RBM4B: variants seen among roughly 807,000 people sequenced by gnomAD.
RBM4B encodes the protein RNA-binding protein 4B.
Under a neutral mutation model 28.5 loss-of-function variants are expected in RBM4B, and 13 were observed. The observed-to-expected ratio is 0.46, with a 90% confidence interval of 0.30 to 0.72. The LOEUF is 0.72. Among genes scored for constraint, RBM4B ranks in the 30% least tolerant of loss-of-function variants. RBM4B has a pLI of 0.09. For missense variants in RBM4B, 387 were observed against 477.6 expected (o/e 0.81, Z 1.77); for synonymous variants, 167 against 179.1 (o/e 0.93, Z 0.54).
rs1050974816 is a variant in RBM4B, at chr11:66,665,782, T to A, written c.*10-204A>T. On this transcript the variant is annotated intron_variant, in intron 3 of 3. Coordinates refer to ENST00000310046, the MANE Select transcript of RBM4B (RefSeq NM_031492.4). ...ATATATAGGAATCCACTTATGGCTA[T>A]ATATATAGGACAAGATGCAATCTAG... 2.9e-6 allele frequency: 4 copies of A among 1,366,268 alleles called. No individual in the cohort carries two copies. The African/African-American group carries it at 5.8e-5, about 20-fold the overall frequency. The allele number at this position is 1,366,268 out of a possible 1,614,324, so 84.6% of individuals were successfully genotyped here.
intron 2 of RBM4B, among the ~76,000 whole-genome samples, chr11:66,673,179 T>C (rs540586499): frequency 8.0e-5 from 12 of 150,140 alleles, no homozygotes; most frequent in African/African-American, 2.9e-4. Flanking sequence ...TGTTTACATA[T>C]AGGGAAAAAA....
In RBM4B at chr11:66,676,722, G is replaced by A. The variant is rs760376120; in HGVS notation, c.358C>T (p.Arg120Trp). The stretch of plus-strand genomic sequence containing the variant: ...ATGGCCTCCACTGCATCCTCTGCCC[G>A]CTCCATGTGTACGAAGGCATAATCT... The part of the protein sequence containing the change: ...VKDYAFVHME[R>W]AEDAVEAIRG... The change falls in exon 2 of 4, where the codon CGG becomes TGG. Residue 120 changes from arginine to tryptophan, a missense_variant. Arg to Trp is a moderately radical substitution (Grantham distance 101). Around this residue, in one of 2 missense-constraint regions of RBM4B, gnomAD observed 161 missense variants for 256.9 expected, o/e 0.63. Coordinates refer to ENST00000310046, the MANE Select transcript of RBM4B (RefSeq NM_031492.4). 1 of 1,613,928 alleles carries A rather than the reference G, an allele frequency of 6.2e-7. No individual in the cohort carries two copies. The highest frequency in any genetic ancestry group is 1.1e-5 in the South Asian group (1 of 91,068).
Position 66,669,168 on chromosome 11 carries a change from C to T in RBM4B, c.536G>A (p.Arg179His), listed in dbSNP as rs761590001. Residue 179 changes from arginine (R) to histidine (H), a missense_variant, in exon 3 of 4, where the codon CGT (arginine) becomes CAT (histidine). Coordinates refer to ENST00000310046, the MANE Select transcript of RBM4B (RefSeq NM_031492.4). ...AGTAAAGTCTGCCACACGACCCGTA[C>T]GATCTACTGGGCACTCTTTGGACCA... is the stretch of plus-strand genomic sequence containing the variant. Reference protein sequence around the residue: ...GHWSKECPVDRTGRVADFTEQ... With the variant: ...GHWSKECPVDHTGRVADFTEQ... The T allele has an allele frequency of 2.4e-5, 39 of 1,614,068 alleles. No homozygotes were observed. The highest frequency in any genetic ancestry group is 1.3e-4 in the South Asian group (12 of 91,094).
chr11:66,669,089 G>A lies in RBM4B; in HGVS notation c.615C>T (p.Tyr205=), dbSNP rs1418920680. The part of the protein sequence containing the change: ...GAVRTPYTMG[Y]GESMYYNDAY... ...CATCGTTGTAATACATGGATTCCCC[G>A]TAGCCCATGGTGTAAGGTGTTCGAA... The change falls in exon 3 of 4, where the codon TAC becomes TAT. Residue 205 remains tyrosine (Y), a synonymous_variant. Coordinates refer to ENST00000310046, the MANE Select transcript of RBM4B (RefSeq NM_031492.4). 9.9e-6 allele frequency: 16 copies of A among 1,614,004 alleles called. No homozygotes were observed. Among genetic ancestry groups the A allele is most frequent in the South Asian group, 2.2e-5 (2 of 91,076 alleles).
At position 66,676,562 on chromosome 11, in the gene RBM4B, A is replaced by G. The variant is rs1425034519; in HGVS notation, c.412+106T>C. On this transcript the variant is annotated intron_variant, in intron 2 of 3. Coordinates refer to ENST00000310046, the MANE Select transcript of RBM4B (RefSeq NM_031492.4). ...TAAACATAATCTATTATTTCCAGCT[A>G]AAACAGAATGGAAGAGACCACCCAG... is the stretch of plus-strand genomic sequence containing the variant. 7.0e-5 allele frequency: 92 copies of G among 1,309,764 alleles called. 1 individual carries two copies. The highest frequency in any genetic ancestry group is 9.3e-5 in the Non-Finnish European group (88 of 942,582). 81.1% of individuals were successfully genotyped at this position (1,309,764 alleles called of 1,614,324 possible).
chr11:66,668,550 T>C (rs899764655), intron 3 of RBM4B, 65 bp downstream of exon 3: 5 of 1,374,746 alleles, frequency 3.6e-6, no homozygotes, highest in Non-Finnish European at 5.0e-6. Context: ...GCCACTTTTA[T>C]GAAGCATGGG....
At chr11:66,672,002 C>T (rs775104679) in intron 2 of RBM4B, among the ~76,000 whole-genome samples, 4 of 152,036 alleles carry the variant, frequency 2.6e-5, no homozygotes, top group Non-Finnish European at 4.4e-5. Context: ...CCGCCTCAGC[C>T]CCCTCAAAGT....
chr11:66,669,333 G>C, intron 2 of RBM4B, 42 bp from the exon 3 acceptor site: 1 of 1,572,584 alleles, frequency 6.4e-7, no homozygotes, highest in Non-Finnish European at 8.7e-7. Context: ...TAACTCACTT[G>C]ACATTCTTTT....
intron 2 of RBM4B, among the ~76,000 whole-genome samples, chr11:66,672,429 A>AC (rs1367217965): frequency 4.2e-5 from 6 of 144,082 alleles, no homozygotes; most frequent in South Asian, 2.3e-4. Flanking sequence ...AAAAAAAAAA[A>AC]CCCACAAAAA....
At chr11:66,675,952 A>G (rs1469640513) in intron 2 of RBM4B, 1 of 152,314 alleles carries the variant, frequency 6.6e-6, no homozygotes, top group African/African-American at 2.4e-5. Flanking sequence ...CAACATATGT[A>G]CCTTTATTAT....
rs1939183793 is a variant in RBM4B, at chr11:66,665,282, G to A, written c.*306C>T. 6 of 422,460 alleles carry A rather than the reference G, an allele frequency of 1.4e-5. No individual in the cohort carries two copies. The highest frequency in any genetic ancestry group is 2.6e-5 in the Non-Finnish European group (6 of 233,384). The allele number at this position is 422,460 out of a possible 1,614,324, so 26.2% of individuals were successfully genotyped here. On this transcript the variant is annotated 3_prime_UTR_variant, in exon 4 of 4. Coordinates refer to ENST00000310046, the MANE Select transcript of RBM4B (RefSeq NM_031492.4). ...GGCAGGGAGAAGGATTCAACTCCTA[G>A]GGAAAGCAAGATAAGAGGGGTTCCA... is the stretch of plus-strand genomic sequence containing the variant.
chr11:66,677,291 G>C, intron 1 of RBM4B, 200 bp from the exon 2 acceptor site: 1 of 641,518 alleles, frequency 1.6e-6, no homozygotes, highest in Non-Finnish European at 2.7e-6. Flanking sequence ...AGGAGGTCGA[G>C]GGTCAGCATG....
intron 2 of RBM4B, chr11:66,676,454 T>C: frequency 3.2e-6 from 2 of 622,438 alleles, no homozygotes; most frequent in Non-Finnish European, 5.5e-6. Flanking sequence ...TTTGTGATTC[T>C]ATGCAGTCGG....
chr11:66,674,073 G>A (rs1182418378), intron 2 of RBM4B, among the ~76,000 whole-genome samples: 2 of 151,878 alleles, frequency 1.3e-5, no homozygotes, highest in Non-Finnish European at 2.9e-5. Context: ...AAAATCTTAT[G>A]GATCCACTGC....
intron 2 of RBM4B, chr11:66,671,106 G>A: frequency 5.8e-6 from 4 of 684,744 alleles, no homozygotes; most frequent in South Asian, 1.5e-5. Context: ...ATGTCAAAGA[G>A]TCCTATCACT....
At chr11:66,668,285 T>G in intron 3 of RBM4B, 1 of 226,026 alleles carries the variant, frequency 4.4e-6, no homozygotes, top group Non-Finnish European at 8.8e-6. Context: ...GTGTAGATGA[T>G]ATACAGAGGG....
chr11:66,671,809 C>T (rs1590885130), intron 2 of RBM4B, among the ~76,000 whole-genome samples: 1 of 152,236 alleles, frequency 6.6e-6, no homozygotes. Context: ...GGCGAAATCT[C>T]GGCTCACTGC....
chr11:66,673,259 C>A (rs770646242), intron 2 of RBM4B, among the ~76,000 whole-genome samples: 1 of 151,838 alleles, frequency 6.6e-6, no homozygotes, highest in African/African-American at 2.4e-5. Context: ...GGAATAGCTT[C>A]TTTAGGTCTT....
Position 66,668,737 on chromosome 11 carries a change from C to T in RBM4B, c.967G>A (p.Gly323Arg), listed in dbSNP as rs368616013. The T allele has an allele frequency of 7.0e-5, 113 of 1,614,090 alleles. No homozygotes were observed. Among genetic ancestry groups the T allele is most frequent in the Non-Finnish European group, 8.2e-5 (97 of 1,180,034 alleles). Reference sequence around the variant, plus strand: ...GCCTGAGATAATTCACTCTCTGGCCCATAACCGTAGCCCTCTCCAACTGTG... The same window carrying T: ...GCCTGAGATAATTCACTCTCTGGCCTATAACCGTAGCCCTCTCCAACTGTG... ...LPTVGEGYGY[G>R]PESELSQASA... The change falls in exon 3 of 4, where the codon GGG becomes AGG. Residue 323 changes from glycine (G) to arginine (R), a missense_variant. By Grantham distance (125) the Gly-to-Arg change is moderately radical. Around this residue, in one of 2 missense-constraint regions of RBM4B, gnomAD observed 226 missense variants for 220.6 expected, o/e 1.02. Coordinates refer to ENST00000310046, the MANE Select transcript of RBM4B (RefSeq NM_031492.4).
Sources: gnomAD v4.1 joint callset for allele counts (sites outside exome capture counted in the v4.1 genomes callset) on GRCh38, gnomAD v4.1.1 for gene constraint, gnomAD v4.1.1 regional missense constraint, MANE v1.5 for transcripts, NCBI Gene and HGNC (gene_info 2026-07-23, HGNC 2026-07-21) for gene names.